PIK3CB: variants seen among roughly 807,000 people sequenced by gnomAD.
PIK3CB encodes phosphatidylinositol-4,5-bisphosphate 3-kinase catalytic subunit beta.
In PIK3CB, 39 loss-of-function variants were observed where a neutral mutation model predicts 136.8. That is an observed-to-expected ratio of 0.29 (90% CI 0.22 to 0.37). PIK3CB has a LOEUF of 0.37. PIK3CB is among the 10% of genes least tolerant of loss of function. The pLI, the probability that PIK3CB is intolerant of heterozygous loss-of-function variation, is 1.00. For missense variants in PIK3CB, 868 were observed against 1,275.4 expected, an observed-to-expected ratio of 0.68 and a Z score of 4.87; for synonymous variants, 428 against 436.6, an observed-to-expected ratio of 0.98 and a Z score of 0.25.
At chr3:138,726,607 T>C (rs1485884004) in intron 8 of PIK3CB, among the ~76,000 whole-genome samples, 3 of 152,198 alleles carry the variant, frequency 2.0e-5, no homozygotes, top group South Asian at 2.1e-4. Context: ...GTACAATTCA[T>C]ACATTCTCTG....
At chr3:138,741,909 C>G (rs970542127) in intron 5 of PIK3CB, among the ~76,000 whole-genome samples, 8 of 151,880 alleles carry the variant, frequency 5.3e-5, no homozygotes, top group African/African-American at 1.9e-4. Flanking sequence ...CTTGATACAA[C>G]AGTAGTAGCA....
chr3:138,780,546 G>C (rs1341801021), intron 2 of PIK3CB, among the ~76,000 whole-genome samples: 4 of 152,218 alleles, frequency 2.6e-5, no homozygotes, highest in Admixed American at 2.6e-4. Context: ...TAGGATTACA[G>C]GTGTGAGCCA....
At chr3:138,826,175 T>C (rs1189135263) in intron 1 of PIK3CB, 58 of 1,134,730 alleles carry the variant, frequency 5.1e-5, no homozygotes, top group Non-Finnish European at 7.6e-5. Context: ...AGCCGATGTA[T>C]GTTGAGAGCT....
chr3:138,684,849 A>G (rs777457420), intron 16 of PIK3CB, 46 bp from the exon 17 acceptor site: 28 of 1,381,656 alleles, frequency 2.0e-5, no homozygotes, highest in Non-Finnish European at 2.7e-5. Flanking sequence ...GACTAAAAGT[A>G]ATATAATATC....
chr3:138,677,686 C>T (rs947568976), intron 19 of PIK3CB, among the ~76,000 whole-genome samples: 1 of 152,132 alleles, frequency 6.6e-6, no homozygotes, highest in East Asian at 1.9e-4. Flanking sequence ...CACCTGAAGT[C>T]GGGAGTTCAA....
intron 2 of PIK3CB, among the ~76,000 whole-genome samples, chr3:138,761,186 A>G (rs978877091): frequency 4.6e-5 from 7 of 152,250 alleles, no homozygotes; most frequent in Admixed American, 1.3e-4. Context: ...ATGAAATGCA[A>G]TAGTCAGTAC....
intron 2 of PIK3CB, among the ~76,000 whole-genome samples, chr3:138,774,363 C>T (rs893910478): frequency 6.6e-6 from 1 of 152,158 alleles, no homozygotes; most frequent in African/African-American, 2.4e-5. Context: ...GGGAGCAAAG[C>T]AAATATCCAA....
chr3:138,673,520 C>A (rs1268484887), intron 19 of PIK3CB, among the ~76,000 whole-genome samples: 1 of 152,020 alleles, frequency 6.6e-6, no homozygotes, highest in Non-Finnish European at 1.5e-5. Flanking sequence ...GGAAAGCAGT[C>A]AATTTGGATT....
At chr3:138,705,425 G>T (rs1025071049) in intron 11 of PIK3CB, among the ~76,000 whole-genome samples, 12 of 151,866 alleles carry the variant, frequency 7.9e-5, no homozygotes, top group African/African-American at 2.7e-4. Flanking sequence ...GAGTCAAAAT[G>T]TAGCTTTTTC....
At chr3:138,803,077 T>C (rs896438285) in intron 1 of PIK3CB, among the ~76,000 whole-genome samples, 2 of 152,184 alleles carry the variant, frequency 1.3e-5, no homozygotes, top group Admixed American at 6.6e-5. Context: ...TCAGAACTTT[T>C]CAGAAAGTTC....
chr3:138,695,815 T>C (rs1039117550), intron 13 of PIK3CB, among the ~76,000 whole-genome samples: 2 of 152,054 alleles, frequency 1.3e-5, no homozygotes, highest in Non-Finnish European at 2.9e-5. Context: ...AGTGCAATCT[T>C]GGCTCACTAC....
intron 4 of PIK3CB, among the ~76,000 whole-genome samples, chr3:138,743,571 T>TTCAC (rs1391842356): frequency 1.3e-5 from 2 of 152,140 alleles, no homozygotes; most frequent in Admixed American, 1.3e-4. Context: ...CATTCATTCA[T>TTCAC]TCATTCACTG....
chr3:138,656,382 A>G, intron 22 of PIK3CB, 108 bp from the exon 23 acceptor site: 1 of 1,173,180 alleles, frequency 8.5e-7, no homozygotes. Flanking sequence ...GAATAAGAAA[A>G]TTCCTACTGA....
intron 19 of PIK3CB, among the ~76,000 whole-genome samples, chr3:138,676,356 T>A (rs1159490539): frequency 6.6e-6 from 1 of 152,210 alleles, no homozygotes. Context: ...GGAACCTTTG[T>A]ACATTGCTGG....
intron 10 of PIK3CB, 58 bp from the exon 11 acceptor site, chr3:138,707,347 A>G (rs1295571923): frequency 1.6e-5 from 25 of 1,541,970 alleles, no homozygotes; most frequent in Non-Finnish European, 2.1e-5. Context: ...AGGCTTTAAA[A>G]AAGCTGTAAT....
intron 2 of PIK3CB, among the ~76,000 whole-genome samples, chr3:138,789,816 G>C (rs189194542): frequency 6.6e-6 from 1 of 151,452 alleles, no homozygotes; most frequent in Non-Finnish European, 1.5e-5. Context: ...TCAGCCTCCC[G>C]AGTAGGTGGG....
chr3:138,731,030 C>T (rs1053767500), intron 8 of PIK3CB, among the ~76,000 whole-genome samples: 3 of 152,120 alleles, frequency 2.0e-5, no homozygotes, highest in African/African-American at 7.2e-5. Flanking sequence ...GTGAATAAAT[C>T]AAGTTATAGA....
chr3:138,760,972 A>T (rs1303630217), intron 2 of PIK3CB, among the ~76,000 whole-genome samples: 1 of 152,226 alleles, frequency 6.6e-6, no homozygotes, highest in Non-Finnish European at 1.5e-5. Flanking sequence ...AAAGAATAAT[A>T]AATTAGAAAA....
rs558535278 is a variant in PIK3CB at position 138,676,408 on chromosome 3, T to C, written c.2504+5559A>G. On this transcript the variant is annotated intron_variant, in intron 19 of 23. Coordinates refer to ENST00000674063, the MANE Select transcript of PIK3CB (RefSeq NM_006219.3). ...TGCAGCTGTGTGGGAAACAGTTTGA[T>C]AGTTTCTCAAAAAGTTGAACATAAA... Among the ~76,000 whole-genome samples, 13 of 152,324 alleles carry C rather than the reference T, an allele frequency of 8.5e-5. No homozygotes were observed. In the South Asian group the frequency reaches 1.7e-3, roughly 19 times the overall value.
Sources: gnomAD v4.1 joint callset for allele counts (sites outside exome capture counted in the v4.1 genomes callset) on GRCh38, gnomAD v4.1.1 for gene constraint, MANE v1.5 for transcripts, NCBI Gene and HGNC (gene_info 2026-07-23, HGNC 2026-07-21) for gene names.